SDK2: variants seen among roughly 807,000 people sequenced by gnomAD.
The protein encoded by SDK2 is sidekick cell adhesion molecule 2.
Under a neutral mutation model 253.9 loss-of-function variants are expected in SDK2, and 105 were observed. The observed-to-expected ratio is 0.41, with a 90% confidence interval of 0.35 to 0.49. The LOEUF is 0.49. Ranked by LOEUF, SDK2 falls within the 20% of genes least tolerant of loss-of-function variation. SDK2 has a pLI of 0.06. For synonymous variants in SDK2, 1,249 were observed against 1,234.9 expected (o/e 1.01, Z -0.24); for missense variants, 2,608 against 3,003.0 (o/e 0.87, Z 3.07).
chr17:73,624,655 T>G (rs2046178443), intron 1 of SDK2, among the ~76,000 whole-genome samples: 1 of 152,206 alleles, frequency 6.6e-6, no homozygotes, highest in Admixed American at 6.5e-5. Context: ...TCATCAGGTC[T>G]GGGGTGAGGT....
At chr17:73,528,086 T>G (rs77874011) in intron 1 of SDK2, among the ~76,000 whole-genome samples, 2,334 of 152,148 alleles carry the variant, frequency 0.015, 70 homozygotes, top group African/African-American at 0.053. Flanking sequence ...GGTCCAGTTT[T>G]GGGCATGTTG....
intron 16 of SDK2, among the ~76,000 whole-genome samples, chr17:73,418,196 TGGGGTTTCACCA>T (rs2063200070): frequency 6.6e-6 from 1 of 152,084 alleles, no homozygotes; most frequent in South Asian, 2.1e-4. Flanking sequence ...TTAGTGAAGA[TGGGGTTTCACCA>T]TATTGGCCAG....
In SDK2 at chr17:73,455,453, A is replaced by G. The variant is rs188534836; in HGVS notation, c.479+453T>C. Among the ~76,000 whole-genome samples, 243 of 152,072 alleles carry G rather than the reference A, an allele frequency of 1.6e-3. No homozygotes were observed. Among genetic ancestry groups the G allele is most frequent in the Middle Eastern group, 0.014 (4 of 294 alleles). ...TGGCCACACCTCCGCCGCACAGCCA[A>G]GACACACACAGCCCTCACACACCAG... is the stretch of plus-strand genomic sequence containing the variant. On this transcript the variant is annotated intron_variant, in intron 4 of 44. Transcript: ENST00000392650. The surrounding 1 kb of genome is among the most constrained non-coding windows in gnomAD (Gnocchi z 5.0).
chr17:73,495,239 C>T (rs896213503), intron 2 of SDK2, among the ~76,000 whole-genome samples: 4 of 152,368 alleles, frequency 2.6e-5, no homozygotes, highest in Admixed American at 2.6e-4. Flanking sequence ...AGCTCAGCTC[C>T]AGCTGGGAGA....
chr17:73,426,503 A>G (rs752546696), intron 12 of SDK2, among the ~76,000 whole-genome samples: 1 of 152,108 alleles, frequency 6.6e-6, no homozygotes, highest in African/African-American at 2.4e-5. Context: ...AACCGATCCC[A>G]TAATGTTGGA....
chr17:73,614,530 C>A (rs2046022444), intron 1 of SDK2, among the ~76,000 whole-genome samples: 1 of 123,074 alleles, frequency 8.1e-6, no homozygotes, highest in Non-Finnish European at 1.6e-5. Flanking sequence ...CACAGCGACA[C>A]AAAGATGGGA....
intron 1 of SDK2, among the ~76,000 whole-genome samples, chr17:73,583,371 C>T (rs563527177): frequency 3.7e-4 from 56 of 152,308 alleles, no homozygotes; most frequent in African/African-American, 1.2e-3. Flanking sequence ...CTCTCCCACT[C>T]GGGTGAGCAC....
At chr17:73,578,948 C>T (rs1312185734) in intron 1 of SDK2, among the ~76,000 whole-genome samples, 1 of 152,118 alleles carries the variant, frequency 6.6e-6, no homozygotes, top group Non-Finnish European at 1.5e-5. Context: ...GACCAAGCTC[C>T]CCACATCACC....
chr17:73,495,934 C>A (rs1031351826), intron 2 of SDK2, among the ~76,000 whole-genome samples: 1 of 152,216 alleles, frequency 6.6e-6, no homozygotes, highest in African/African-American at 2.4e-5. Context: ...AATTCCTGTA[C>A]TTCAGTTTTC....
intron 2 of SDK2, among the ~76,000 whole-genome samples, chr17:73,489,534 G>A (rs2063791606): frequency 6.6e-6 from 1 of 152,226 alleles, no homozygotes; most frequent in South Asian, 2.1e-4. Flanking sequence ...GTCCCGCTGA[G>A]TCCTGCTCTC....
At chr17:73,368,780 T>G (rs941875880) in intron 36 of SDK2, among the ~76,000 whole-genome samples, 187 bp from the exon 37 acceptor site, 4 of 152,034 alleles carry the variant, frequency 2.6e-5, no homozygotes, top group Non-Finnish European at 4.4e-5. Context: ...GAGGCAGAGG[T>G]GGGTGGATCA....
intron 1 of SDK2, among the ~76,000 whole-genome samples, chr17:73,617,704 T>G (rs904284369): frequency 7.9e-5 from 12 of 152,180 alleles, no homozygotes; most frequent in African/African-American, 2.9e-4. Flanking sequence ...TCATAAATAA[T>G]TAGTGAGTCT....
rs552253541 is a variant in SDK2, at chr17:73,454,262, C to T, written c.479+1644G>A. 2.6e-5 allele frequency among the ~76,000 whole-genome samples: 4 copies of T among 152,334 alleles called. No homozygotes were observed. In the South Asian group the frequency reaches 8.3e-4, roughly 32 times the overall value. ...CCCAAATGATTTCAACAGGTAGCTACGTTGAGATACTCCACAGGGCTTGTT... is the reference window on the plus strand; with the variant it reads ...CCCAAATGATTTCAACAGGTAGCTATGTTGAGATACTCCACAGGGCTTGTT... On this transcript the variant is annotated intron_variant, in intron 4 of 44. Coordinates refer to ENST00000392650, the MANE Select transcript of SDK2 (RefSeq NM_001144952.2).
Position 73,644,412 on chromosome 17 carries a change from C to A in SDK2, c.-324G>T, listed in dbSNP as rs1254127576. ...CTTCTCCCAAACAGGGCGGCCTCTGCGATCCGGCCGGGTCGCCGGCCGAGC... is the reference window on the plus strand; with the variant it reads ...CTTCTCCCAAACAGGGCGGCCTCTGAGATCCGGCCGGGTCGCCGGCCGAGC... On this transcript the variant is annotated 5_prime_UTR_variant, in exon 1 of 45. Transcript: ENST00000392650. This position sits in a 1 kb window ranked among gnomAD's most constrained non-coding sequence, Gnocchi z 6.3. Among the ~76,000 whole-genome samples the A allele has an allele frequency of 1.3e-5, 2 of 152,114 alleles. No individual in the cohort carries two copies. Among genetic ancestry groups the A allele is most frequent in the Non-Finnish European group, 2.9e-5 (2 of 68,004 alleles).
chr17:73,547,710 C>T (rs747236702), intron 1 of SDK2, among the ~76,000 whole-genome samples: 3 of 152,182 alleles, frequency 2.0e-5, no homozygotes, highest in Non-Finnish European at 4.4e-5. Flanking sequence ...CTGTTTTGAG[C>T]AGTTCAGGGG....
At chr17:73,454,576 G>T (rs1169078050) in intron 4 of SDK2, among the ~76,000 whole-genome samples, 1 of 152,256 alleles carries the variant, frequency 6.6e-6, no homozygotes, top group African/African-American at 2.4e-5. Context: ...ACGAGATTGA[G>T]AGCATCTTCT....
At chr17:73,490,687 GTATTAT>G (rs148141782) in intron 2 of SDK2, among the ~76,000 whole-genome samples, 1 of 150,906 alleles carries the variant, frequency 6.6e-6, no homozygotes, top group African/African-American at 2.4e-5. Context: ...GCTAATTTTT[GTATTAT>G]TATTATTATG....
At chr17:73,445,183 G>A (rs2063444720) in intron 5 of SDK2, among the ~76,000 whole-genome samples, 1 of 152,172 alleles carries the variant, frequency 6.6e-6, no homozygotes, top group African/African-American at 2.4e-5. Context: ...CAAAGACTTA[G>A]TATGCAAAAA....
intron 1 of SDK2, among the ~76,000 whole-genome samples, chr17:73,586,458 G>C (rs78725178): frequency 6.6e-6 from 1 of 151,992 alleles, no homozygotes; most frequent in Non-Finnish European, 1.5e-5. Context: ...CTCTCCCTTC[G>C]CGCCAGTGTA....
Sources: allele counts gnomAD v4.1 joint callset (sites outside exome capture counted in the v4.1 genomes callset), GRCh38; gene constraint gnomAD v4.1.1; non-coding constraint Gnocchi (gnomAD v3.1); transcripts MANE v1.5; gene names NCBI Gene and HGNC (gene_info 2026-07-23, HGNC 2026-07-21).